ZSWIM6: variants seen among roughly 807,000 people sequenced by gnomAD.
ZSWIM6 encodes zinc finger SWIM-type containing 6.
A neutral mutation model predicts 113.2 loss-of-function variants in ZSWIM6; 9 were observed. The ratio of observed to expected loss-of-function variants is 0.08; its 90% CI spans 0.05 to 0.14. The LOEUF (loss-of-function observed/expected upper bound fraction) is 0.14, where lower values mean the gene tolerates loss of function less well. Ranked by LOEUF, ZSWIM6 falls within the 10% of genes least tolerant of loss-of-function variation. ZSWIM6 has a pLI of 1.00. For synonymous variants in ZSWIM6, 611 were observed against 606.5 expected, an observed-to-expected ratio of 1.01 and a Z score of -0.11; for missense variants, 1,162 against 1,552.2, an observed-to-expected ratio of 0.75 and a Z score of 4.22.
intron 4 of ZSWIM6, among the ~76,000 whole-genome samples, chr5:61,519,434 A>AC (rs1212950037): frequency 1.3e-5 from 2 of 152,160 alleles, no homozygotes; most frequent in African/African-American, 4.8e-5. Flanking sequence ...GGAGAAAAAA[A>AC]AGAAGGGGAA....
intron 1 of ZSWIM6, among the ~76,000 whole-genome samples, chr5:61,456,797 T>C (rs1024534193): frequency 3.3e-5 from 5 of 152,228 alleles, no homozygotes; most frequent in African/African-American, 1.2e-4. Flanking sequence ...ATTTATTGTA[T>C]CTTTTCTTCT....
chr5:61,439,781 T>C (rs1216740806), intron 1 of ZSWIM6, among the ~76,000 whole-genome samples: 3 of 152,176 alleles, frequency 2.0e-5, no homozygotes, highest in Non-Finnish European at 2.9e-5. Context: ...AGAATATACG[T>C]AGCTTTTAAG....
At chr5:61,443,642 T>C (rs576754715) in intron 1 of ZSWIM6, among the ~76,000 whole-genome samples, 5 of 152,232 alleles carry the variant, frequency 3.3e-5, no homozygotes, top group Admixed American at 2.0e-4. Context: ...CATAAAATAG[T>C]CATTGATTTA....
chr5:61,426,283 A>G (rs1179717637), intron 1 of ZSWIM6, among the ~76,000 whole-genome samples: 2 of 152,236 alleles, frequency 1.3e-5, no homozygotes, highest in African/African-American at 2.4e-5. Context: ...AAAATAATTT[A>G]TTTGATAATA....
chr5:61,337,133 T>C (rs1744416733), intron 1 of ZSWIM6, among the ~76,000 whole-genome samples: 1 of 151,830 alleles, frequency 6.6e-6, no homozygotes, highest in African/African-American at 2.4e-5. Context: ...ATACAAAAAT[T>C]AGCCAGAGCG....
chr5:61,458,783 C>A (rs953943200), intron 1 of ZSWIM6, among the ~76,000 whole-genome samples: 2 of 151,106 alleles, frequency 1.3e-5, no homozygotes, highest in African/African-American at 4.9e-5. Flanking sequence ...GAGGCTGAGG[C>A]AGGAGAATCA....
At chr5:61,378,895 T>C (rs1369739736) in intron 1 of ZSWIM6, among the ~76,000 whole-genome samples, 5 of 151,954 alleles carry the variant, frequency 3.3e-5, no homozygotes, top group Non-Finnish European at 7.4e-5. Flanking sequence ...TTACATGAAA[T>C]TGGGCTGGGC....
chr5:61,433,227 A>AT lies in ZSWIM6; in HGVS notation c.677-39451dup, dbSNP rs1348254477. 2.0e-5 allele frequency among the ~76,000 whole-genome samples: 3 copies of AT among 152,090 alleles called. No homozygotes were observed. In the East Asian group the frequency reaches 5.8e-4, roughly 29 times the overall value. On this transcript the variant is annotated intron_variant, in intron 1 of 13. Transcript: ENST00000252744. ...TCCCCCTCTAAGCAAGACATAGAAA[A>AT]TTTCTATATTAATTTATATTTGGGG...
chr5:61,386,773 C>T (rs578232861), intron 1 of ZSWIM6, among the ~76,000 whole-genome samples: 3 of 152,248 alleles, frequency 2.0e-5, no homozygotes, highest in African/African-American at 4.8e-5. Flanking sequence ...AACCCAACAA[C>T]GTGTGGGTTA....
At chr5:61,453,563 A>G (rs1469720778) in intron 1 of ZSWIM6, among the ~76,000 whole-genome samples, 1 of 151,684 alleles carries the variant, frequency 6.6e-6, no homozygotes, top group Non-Finnish European at 1.5e-5. Context: ...TTTTGTAGAG[A>G]TGGGGTTTTG....
intron 6 of ZSWIM6, 115 bp downstream of exon 6, chr5:61,526,091 C>A (rs1749274644): frequency 7.0e-7 from 1 of 1,422,636 alleles, no homozygotes. Context: ...TGGATGAATG[C>A]TTGGCAATAG....
At chr5:61,448,391 T>C (rs1353484658) in intron 1 of ZSWIM6, among the ~76,000 whole-genome samples, 1 of 152,254 alleles carries the variant, frequency 6.6e-6, no homozygotes, top group Non-Finnish European at 1.5e-5. Context: ...CTTTTCAGAA[T>C]ATCACGTTCT....
At chr5:61,380,891 A>G (rs1462658443) in intron 1 of ZSWIM6, among the ~76,000 whole-genome samples, 1 of 151,882 alleles carries the variant, frequency 6.6e-6, no homozygotes, top group Non-Finnish European at 1.5e-5. Flanking sequence ...GCTTGAACCC[A>G]GGAGTTAAGA....
chr5:61,502,947 A>G (rs1170450225), intron 4 of ZSWIM6, among the ~76,000 whole-genome samples: 1 of 151,968 alleles, frequency 6.6e-6, no homozygotes, highest in Non-Finnish European at 1.5e-5. Context: ...ATTTTCTTCC[A>G]CAAAGCCAGT....
At chr5:61,452,081 C>A (rs1011134183) in intron 1 of ZSWIM6, among the ~76,000 whole-genome samples, 3 of 152,092 alleles carry the variant, frequency 2.0e-5, no homozygotes, top group African/African-American at 7.2e-5. Flanking sequence ...ACTTCATTTC[C>A]CATTTCCCAC....
intron 1 of ZSWIM6, among the ~76,000 whole-genome samples, chr5:61,398,919 T>G (rs1233354191): frequency 2.4e-5 from 2 of 83,250 alleles, no homozygotes; most frequent in Non-Finnish European, 2.4e-5. Context: ...GTTGTTTTTT[T>G]TTTTTTTTTT....
intron 4 of ZSWIM6, among the ~76,000 whole-genome samples, chr5:61,520,035 T>C (rs1749069996): frequency 6.6e-6 from 1 of 152,200 alleles, no homozygotes; most frequent in South Asian, 2.1e-4. Context: ...TCCTGCTGTG[T>C]GGCCAGGTTC....
At chr5:61,541,557 G>A (rs975598371) in intron 12 of ZSWIM6, among the ~76,000 whole-genome samples, 5 of 150,476 alleles carry the variant, frequency 3.3e-5, no homozygotes, top group African/African-American at 1.2e-4. Flanking sequence ...AAGGGCATGG[G>A]CTGTGTTTAA....
intron 2 of ZSWIM6, among the ~76,000 whole-genome samples, chr5:61,483,826 G>A (rs1350828156): frequency 6.6e-6 from 1 of 151,360 alleles, no homozygotes; most frequent in Non-Finnish European, 1.5e-5. Context: ...GCAGTGAGCC[G>A]AGATCGCACC....
Sources: allele counts gnomAD v4.1 joint callset (sites outside exome capture counted in the v4.1 genomes callset), GRCh38; gene constraint gnomAD v4.1.1; transcripts MANE v1.5; gene names NCBI Gene and HGNC (gene_info 2026-07-23, HGNC 2026-07-21).